The following SHOC2 variants were observed in gnomAD, a reference collection of about 807,000 sequenced individuals.
SHOC2 encodes the protein leucine-rich repeat protein SHOC-2.
SHOC2 carries 4 observed loss-of-function variants against 50.2 expected under a neutral mutation model. That is an observed-to-expected ratio of 0.08 (90% CI 0.04 to 0.18). The LOEUF (loss-of-function observed/expected upper bound fraction) is 0.18, where lower values mean the gene tolerates loss of function less well. Among genes scored for constraint, SHOC2 ranks in the 10% least tolerant of loss-of-function variants. The probability of loss-of-function intolerance (pLI) is 1.00; values close to 1 mark genes in which losing one functional copy is unlikely to be tolerated. For missense variants in SHOC2, 388 were observed against 669.6 expected, an observed-to-expected ratio of 0.58 and a Z score of 4.64; for synonymous variants, 218 against 244.5, an observed-to-expected ratio of 0.89 and a Z score of 1.01.
In SHOC2 at chr10:111,009,293, C is replaced by A; in HGVS notation, c.1330C>A (p.Leu444Ile). Reference sequence around the variant, plus strand: ...TCTTCTAAAGAAGCTTCCCCATGGTCTTGGAAACCTTAGGAAGTTAAGAGA... The same window carrying A: ...TCTTCTAAAGAAGCTTCCCCATGGTATTGGAAACCTTAGGAAGTTAAGAGA... ...NNLLKKLPHG[L>I]GNLRKLRELD... Residue 444 changes from leucine (L) to isoleucine (I), a missense_variant, in exon 7 of 9, where the codon CTT (leucine) becomes ATT (isoleucine). Transcript: ENST00000369452. 1 of 1,594,708 alleles carries A rather than the reference C, an allele frequency of 6.3e-7. No homozygotes were observed. The highest frequency in any genetic ancestry group is 1.1e-5 in the South Asian group (1 of 90,588).
intron 2 of SHOC2, among the ~76,000 whole-genome samples, chr10:110,967,166 C>G (rs569459231): frequency 6.6e-6 from 1 of 152,046 alleles, no homozygotes; most frequent in African/African-American, 2.4e-5. Context: ...TTACAGTAAC[C>G]CAATGAAATA....
At chr10:110,949,414 A>G (rs1847308522) in intron 1 of SHOC2, among the ~76,000 whole-genome samples, 3 of 152,112 alleles carry the variant, frequency 2.0e-5, no homozygotes, top group Admixed American at 6.5e-5. Context: ...AATCACACCC[A>G]GTGACTGTAA....
chr10:110,961,887 C>G (rs1361900267), intron 1 of SHOC2, among the ~76,000 whole-genome samples: 1 of 151,900 alleles, frequency 6.6e-6, no homozygotes, highest in African/African-American at 2.4e-5. Context: ...ATTAAATATA[C>G]TGGTGTTCAG....
intron 1 of SHOC2, chr10:110,920,243 G>A (rs1434406327): frequency 6.5e-6 from 1 of 152,734 alleles, no homozygotes; most frequent in African/African-American, 2.4e-5. Flanking sequence ...ATCGGCTCTG[G>A]GTGTGTTGCC....
At chr10:110,945,150 T>C (rs1324462522) in intron 1 of SHOC2, among the ~76,000 whole-genome samples, 3 of 152,228 alleles carry the variant, frequency 2.0e-5, no homozygotes, top group African/African-American at 2.4e-5. Flanking sequence ...GTAGATATGG[T>C]ATAAAACACT....
intron 3 of SHOC2, among the ~76,000 whole-genome samples, chr10:110,999,476 G>A (rs192254146): frequency 8.0e-4 from 121 of 152,104 alleles, no homozygotes; most frequent in Non-Finnish European, 1.3e-3. Context: ...AGTGGCTCAC[G>A]TCTGTAATCC....
chr10:110,968,042 G>C (rs76233150), intron 2 of SHOC2, among the ~76,000 whole-genome samples: 1 of 152,114 alleles, frequency 6.6e-6, no homozygotes, highest in Non-Finnish European at 1.5e-5. Context: ...GGGATTACTA[G>C]ACTGTTTTCC....
chr10:110,971,004 T>A (rs1206005438), intron 2 of SHOC2, among the ~76,000 whole-genome samples: 1 of 152,140 alleles, frequency 6.6e-6, no homozygotes, highest in East Asian at 1.9e-4. Flanking sequence ...ATTCTGCAGG[T>A]TGTCTCTTCA....
intron 1 of SHOC2, among the ~76,000 whole-genome samples, chr10:110,953,903 A>G (rs1847407349): frequency 6.6e-6 from 1 of 151,120 alleles, no homozygotes; most frequent in Admixed American, 6.6e-5. Context: ...ATTATATATA[A>G]TTATTACTTT....
intron 1 of SHOC2, among the ~76,000 whole-genome samples, chr10:110,938,668 A>G (rs1350259025): frequency 6.6e-6 from 1 of 152,204 alleles, no homozygotes; most frequent in Non-Finnish European, 1.5e-5. Flanking sequence ...GAACACTAAT[A>G]ATTTCTACTT....
chr10:110,957,416 C>T (rs17128194), intron 1 of SHOC2, among the ~76,000 whole-genome samples: 5,910 of 151,968 alleles, frequency 0.039, 169 homozygotes, highest in East Asian at 0.1. Context: ...TCTGTTATAC[C>T]GACTCTTTGA....
At chr10:110,956,228 C>G (rs1847459618) in intron 1 of SHOC2, among the ~76,000 whole-genome samples, 1 of 151,938 alleles carries the variant, frequency 6.6e-6, no homozygotes, top group African/African-American at 2.4e-5. Flanking sequence ...CTCTTGTCAC[C>G]CAGGCTGGAG....
intron 1 of SHOC2, among the ~76,000 whole-genome samples, chr10:110,940,542 T>C (rs1429755503): frequency 6.6e-6 from 1 of 152,186 alleles, no homozygotes; most frequent in South Asian, 2.1e-4. Flanking sequence ...TAAATTCAAT[T>C]ATTTATAGTT....
chr10:110,946,603 A>G (rs972554067), intron 1 of SHOC2, among the ~76,000 whole-genome samples: 3 of 152,142 alleles, frequency 2.0e-5, no homozygotes, highest in African/African-American at 4.8e-5. Flanking sequence ...GGAACAAACA[A>G]TGTGGATATT....
intron 4 of SHOC2, among the ~76,000 whole-genome samples, chr10:111,001,461 A>G (rs907182351): frequency 1.3e-5 from 2 of 152,024 alleles, no homozygotes; most frequent in African/African-American, 4.8e-5. Flanking sequence ...AGCCAATATA[A>G]TACTCTTCTT....
intron 2 of SHOC2, among the ~76,000 whole-genome samples, chr10:110,976,404 T>C (rs1847879374): frequency 2.0e-5 from 3 of 151,828 alleles, no homozygotes; most frequent in African/African-American, 7.3e-5. Context: ...CTCGACCTCC[T>C]GGGCTCTAGT....
At chr10:110,961,394 G>A (rs527495962) in intron 1 of SHOC2, among the ~76,000 whole-genome samples, 2 of 152,284 alleles carry the variant, frequency 1.3e-5, no homozygotes, top group African/African-American at 4.8e-5. Flanking sequence ...ATTCAGGTCT[G>A]AACTAGATCC....
chr10:110,962,159 A>G (rs1229836890), intron 1 of SHOC2, among the ~76,000 whole-genome samples: 1 of 151,974 alleles, frequency 6.6e-6, no homozygotes, highest in Non-Finnish European at 1.5e-5. Context: ...TATCCTCTGT[A>G]CTTAATATAT....
At chr10:110,928,944 C>T in intron 1 of SHOC2, among the ~76,000 whole-genome samples, 1 of 152,048 alleles carries the variant, frequency 6.6e-6, no homozygotes. Flanking sequence ...GTGAGTAATA[C>T]CTTAATGCAT....
Sources: gnomAD v4.1 joint callset for allele counts (sites outside exome capture counted in the v4.1 genomes callset) on GRCh38, gnomAD v4.1.1 for gene constraint, MANE v1.5 for transcripts, NCBI Gene and HGNC (gene_info 2026-07-23, HGNC 2026-07-21) for gene names.